Variants in DMD observed in about 807,000 individuals in gnomAD.
The protein encoded by DMD is mutant dystrophin.
A neutral mutation model predicts 330.1 loss-of-function variants in DMD; 63 were observed. The ratio of observed to expected loss-of-function variants is 0.19; its 90% CI spans 0.16 to 0.24. The LOEUF is 0.24. Among genes scored for constraint, DMD ranks in the 10% least tolerant of loss-of-function variants. DMD has a pLI of 1.00. For synonymous variants in DMD, 1,223 were observed against 959.8 expected (o/e 1.27, Z -5.07); for missense variants, 3,344 against 2,684.1 (o/e 1.25, Z -5.43).
intron 37 of DMD, among the ~76,000 whole-genome samples, chrX:32,353,793 CAT>C (rs2097789717): frequency 9.0e-6 from 1 of 110,881 alleles, no homozygotes; most frequent in African/African-American, 3.3e-5. Flanking sequence ...TAAATGGACA[CAT>C]AAAGAAGAGA....
intron 1 of DMD, among the ~76,000 whole-genome samples, chrX:33,156,902 C>T (rs767595110): frequency 5.4e-5 from 6 of 111,457 alleles, no homozygotes; most frequent in Non-Finnish European, 1.1e-4. Context: ...TGGGTACCTT[C>T]AAGAAAATGT....
intron 60 of DMD, among the ~76,000 whole-genome samples, chrX:31,404,062 CTTCAT>C (rs1180008072): frequency 1.8e-5 from 2 of 109,943 alleles, no homozygotes; most frequent in African/African-American, 6.6e-5. Context: ...TCCTTTATTC[CTTCAT>C]TTCTTTATTG....
At chrX:31,436,259 A>C (rs1279824865) in intron 60 of DMD, among the ~76,000 whole-genome samples, 1 of 112,325 alleles carries the variant, frequency 8.9e-6, no homozygotes, top group East Asian at 2.8e-4. Context: ...AGATCAAGCA[A>C]TCAAGTAGCC....
chrX:31,605,203 G>A lies in DMD; in HGVS notation c.8217+22470C>T, dbSNP rs1033389464. On this transcript the variant is annotated intron_variant, in intron 55 of 78. Transcript: ENST00000357033. Reference sequence around the variant, plus strand: ...AAACTTTGATTCCTTCTCTGACCATGTTCTGCTAGCCTTATGTCCTTCAGT... The same window carrying A: ...AAACTTTGATTCCTTCTCTGACCATATTCTGCTAGCCTTATGTCCTTCAGT... Among the ~76,000 whole-genome samples, 7 of 111,723 alleles carry A rather than the reference G, an allele frequency of 6.3e-5. No individual in the cohort carries two copies. In the Admixed American group the frequency reaches 6.7e-4, roughly 11 times the overall value.
intron 41 of DMD, among the ~76,000 whole-genome samples, chrX:32,332,915 T>A (rs1378512773): frequency 9.1e-6 from 1 of 110,408 alleles, no homozygotes; most frequent in Non-Finnish European, 1.9e-5. Flanking sequence ...TTTGTTTTAA[T>A]CAAGTCACGA....
intron 1 of DMD, among the ~76,000 whole-genome samples, chrX:33,282,966 T>C (rs1042457192): frequency 1.8e-5 from 2 of 112,352 alleles, no homozygotes; most frequent in Non-Finnish European, 3.8e-5. Context: ...TTTCTTTTGA[T>C]GGCCTCTTGT....
At chrX:31,604,160 A>G (rs2077499124) in intron 55 of DMD, among the ~76,000 whole-genome samples, 1 of 112,377 alleles carries the variant, frequency 8.9e-6, no homozygotes, top group Non-Finnish European at 1.9e-5. Flanking sequence ...TTTGAATGAC[A>G]GTCTTCCTAA....
In DMD at chrX:32,271,012, G is replaced by A. The variant is rs186787218; in HGVS notation, c.6290+16517C>T. On this transcript the variant is annotated intron_variant, in intron 43 of 78. Transcript: ENST00000357033. ...GAAAATGAGATAAAAATAAAAGTTA[G>A]CATCTACGTCCTTATCAGGATGCTA... Among the ~76,000 whole-genome samples the A allele has an allele frequency of 4.4e-4, 49 of 111,136 alleles. No homozygotes were observed. The Admixed American group carries it at 4.5e-3, about 10-fold the overall frequency.
At chrX:31,456,060 CCT>C (rs57908791) in intron 59 of DMD, among the ~76,000 whole-genome samples, 13,029 of 102,126 alleles carry the variant, frequency 0.13, 814 homozygotes, top group East Asian at 0.23. Flanking sequence ...ACAGATGATC[CCT>C]CTCTCTCTCT....
chrX:32,945,858 T>A (rs1362592231), intron 2 of DMD, among the ~76,000 whole-genome samples: 1 of 111,545 alleles, frequency 9.0e-6, no homozygotes, highest in Admixed American at 9.6e-5. Context: ...TTTCCTGAAA[T>A]AAATCCAATT....
At position 32,786,086 on chromosome X, in the gene DMD, A is replaced by AGTGAGTGT. The variant is rs1557029346; in HGVS notation, c.649+23406_649+23407insACACTCAC. ...CTCTTGCCTCTTGAGGAGGAATAAG[A>AGTGAGTGT]GTGTGTGTGTGTGTGTGTGTGTGTG... On this transcript the variant is annotated intron_variant, in intron 7 of 78. Coordinates refer to ENST00000357033, the MANE Select transcript of DMD (RefSeq NM_004006.3). Among the ~76,000 whole-genome samples the AGTGAGTGT allele has an allele frequency of 2.0e-3, 196 of 96,565 alleles. 1 individual carries two copies. The highest frequency in any genetic ancestry group is 7.2e-3 in the African/African-American group (187 of 25,830). 83.9% of individuals were successfully genotyped at this position (96,565 alleles called of 115,157 possible). A position where few individuals can be genotyped will look rare whatever the true frequency, so the allele number is the denominator to read the frequency against.
At chrX:32,421,016 C>T (rs1007523331) in intron 29 of DMD, among the ~76,000 whole-genome samples, 3 of 111,583 alleles carry the variant, frequency 2.7e-5, no homozygotes, top group African/African-American at 6.5e-5. Flanking sequence ...CATATTGGTT[C>T]GAACTTGAAA....
At chrX:31,639,734 T>C (rs887248301) in intron 54 of DMD, among the ~76,000 whole-genome samples, 4 of 112,264 alleles carry the variant, frequency 3.6e-5, no homozygotes, top group Non-Finnish European at 7.5e-5. Context: ...ATGACTCTTA[T>C]TTCTCTTTAA....
At chrX:32,077,201 G>A (rs2096359294) in intron 44 of DMD, among the ~76,000 whole-genome samples, 1 of 111,029 alleles carries the variant, frequency 9.0e-6, no homozygotes, top group African/African-American at 3.3e-5. Context: ...TATCATCAAG[G>A]TTCTGTTTTT....
intron 2 of DMD, among the ~76,000 whole-genome samples, chrX:32,905,334 A>G (rs747578927): frequency 3.4e-4 from 38 of 112,271 alleles, no homozygotes; most frequent in Non-Finnish European, 5.3e-4. Context: ...CAAAGAATCT[A>G]TGATTAAAAG....
Position 32,644,031 on chromosome X carries a change from A to G in DMD, c.1331+101T>C. 5.4e-6 allele frequency: 4 copies of G among 734,461 alleles called. No homozygotes were observed. In the South Asian group the frequency reaches 1.1e-4, roughly 19 times the overall value. 60.5% of individuals were successfully genotyped at this position (734,461 alleles called of 1,213,427 possible). A position where few individuals can be genotyped will look rare whatever the true frequency, so the allele number is the denominator to read the frequency against. On this transcript the variant is annotated intron_variant, in intron 11 of 78. Coordinates refer to ENST00000357033, the MANE Select transcript of DMD (RefSeq NM_004006.3). The stretch of plus-strand genomic sequence containing the variant: ...TTGAAAGAAAGCTGTGTGCCTTGGG[A>G]ACAAACTGAGAATCGTAACTTAACC...
At chrX:32,487,843 G>C (rs1268370984) in intron 20 of DMD, among the ~76,000 whole-genome samples, 1 of 111,768 alleles carries the variant, frequency 8.9e-6, no homozygotes, top group Non-Finnish European at 1.9e-5. Flanking sequence ...ACCAGTGCTA[G>C]AAAGTTGGTA....
chrX:33,240,474 C>T (rs2052569986), intron 1 of DMD, among the ~76,000 whole-genome samples: 1 of 111,408 alleles, frequency 9.0e-6, no homozygotes, highest in Non-Finnish European at 1.9e-5. Flanking sequence ...GTTGATGGAC[C>T]CTTAGGTTGA....
intron 41 of DMD, among the ~76,000 whole-genome samples, chrX:32,323,167 C>T (rs1482173080): frequency 8.9e-6 from 1 of 111,964 alleles, no homozygotes; most frequent in Non-Finnish European, 1.9e-5. Flanking sequence ...ATAGCATTTA[C>T]ATTGTATTGG....
Sources: gnomAD v4.1 joint callset for allele counts (sites outside exome capture counted in the v4.1 genomes callset) on GRCh38, gnomAD v4.1.1 for gene constraint, MANE v1.5 for transcripts, NCBI Gene and HGNC (gene_info 2026-07-23, HGNC 2026-07-21) for gene names.